Variants in TMEM117 observed in about 807,000 individuals in gnomAD.
TMEM117 encodes the protein transmembrane protein 117.
A neutral mutation model predicts 52.4 loss-of-function variants in TMEM117; 27 were observed. That is an observed-to-expected ratio of 0.51 (90% confidence interval 0.38 to 0.71). The LOEUF is 0.71. TMEM117 is among the 30% of genes least tolerant of loss of function. TMEM117 has a pLI of 0.00. For missense variants in TMEM117, 556 were observed against 630.5 expected, an observed-to-expected ratio of 0.88 and a Z score of 1.26; for synonymous variants, 215 against 206.3, an observed-to-expected ratio of 1.04 and a Z score of -0.36.
chr12:43,901,651 A>G lies in TMEM117; in HGVS notation c.278-42559A>G, dbSNP rs576357927. ...ATTTACATGTGTCATTTTCCTCAACAAGAAAATTATAAAGTGAAACTGCTA... is the reference window on the plus strand; with the variant it reads ...ATTTACATGTGTCATTTTCCTCAACGAGAAAATTATAAAGTGAAACTGCTA... On this transcript the variant is annotated intron_variant, in intron 2 of 7. Coordinates refer to ENST00000266534, the MANE Select transcript of TMEM117 (RefSeq NM_032256.3). Among the ~76,000 whole-genome samples the G allele has an allele frequency of 4.3e-4, 65 of 152,308 alleles. 1 individual carries two copies. Among genetic ancestry groups the G allele is most frequent in the African/African-American group, 1.5e-3 (62 of 41,568 alleles).
Position 43,912,507 on chromosome 12 carries a change from T to TTATACATA in TMEM117, c.278-31699_278-31698insCATATATA, listed in dbSNP as rs1555183812. ...AAACTTAAAGTATAATAATAATAAT[T>TTATACATA]TATATATATATATATATATATATAT... On this transcript the variant is annotated intron_variant, in intron 2 of 7. Transcript: ENST00000266534. Among the ~76,000 whole-genome samples, 82 of 132,104 alleles carry TTATACATA rather than the reference T, an allele frequency of 6.2e-4. 1 individual carries two copies. Among genetic ancestry groups the TTATACATA allele is most frequent in the African/African-American group, 2.6e-3 (66 of 25,028 alleles). 86.7% of individuals were successfully genotyped at this position (132,104 alleles called of 152,430 possible). A position where few individuals can be genotyped will look rare whatever the true frequency, so the allele number is the denominator to read the frequency against.
intron 3 of TMEM117, among the ~76,000 whole-genome samples, chr12:44,111,779 G>C (rs922890843): frequency 1.8e-4 from 26 of 142,994 alleles, no homozygotes; most frequent in African/African-American, 5.2e-4. Context: ...TTTCTGTCTT[G>C]TTGATCTGTC....
At chr12:43,851,801 T>C (rs1463179391) in intron 2 of TMEM117, among the ~76,000 whole-genome samples, 1 of 152,208 alleles carries the variant, frequency 6.6e-6, no homozygotes, top group Non-Finnish European at 1.5e-5. Flanking sequence ...ATCACTGTCG[T>C]TATCAGCAGT....
chr12:44,249,461 T>G (rs555931721), intron 5 of TMEM117, among the ~76,000 whole-genome samples: 2 of 152,146 alleles, frequency 1.3e-5, no homozygotes, highest in African/African-American at 2.4e-5. Context: ...AAACTACCAT[T>G]GAAATTCTTC....
chr12:44,119,414 C>T (rs1385889817), intron 3 of TMEM117, among the ~76,000 whole-genome samples: 1 of 152,172 alleles, frequency 6.6e-6, no homozygotes, highest in Non-Finnish European at 1.5e-5. Context: ...CTAGTGAACA[C>T]TCAACTGAAT....
chr12:44,069,561 G>A lies in TMEM117; in HGVS notation c.411-73964G>A, dbSNP rs894281986. The stretch of plus-strand genomic sequence containing the variant: ...CGTCTGGGAAGATAGCAGGAGATGA[G>A]GTCAGAAAGTTCATAAGGGGGCCTG... On this transcript the variant is annotated intron_variant, in intron 3 of 7. Coordinates refer to ENST00000266534, the MANE Select transcript of TMEM117 (RefSeq NM_032256.3). Among the ~76,000 whole-genome samples the A allele has an allele frequency of 2.6e-5, 4 of 152,244 alleles. No individual in the cohort carries two copies. In the South Asian group the frequency reaches 8.3e-4, roughly 32 times the overall value.
intron 6 of TMEM117, among the ~76,000 whole-genome samples, chr12:44,356,544 C>G (rs1951651564): frequency 1.3e-5 from 2 of 152,198 alleles, no homozygotes; most frequent in Non-Finnish European, 2.9e-5. Flanking sequence ...ATCCACGTTT[C>G]CAGCTGTCTT....
chr12:44,023,023 G>C (rs1946477994), intron 3 of TMEM117, among the ~76,000 whole-genome samples: 1 of 152,154 alleles, frequency 6.6e-6, no homozygotes, highest in Non-Finnish European at 1.5e-5. Context: ...ATGTTACACA[G>C]ATGAACCCAG....
chr12:44,165,568 G>A (rs900927681), intron 4 of TMEM117, among the ~76,000 whole-genome samples: 3 of 152,038 alleles, frequency 2.0e-5, no homozygotes, highest in Admixed American at 1.3e-4. Flanking sequence ...AAACACTGAC[G>A]GGAGTAGCTA....
chr12:44,090,342 C>T (rs749076584), intron 3 of TMEM117, among the ~76,000 whole-genome samples: 4 of 151,826 alleles, frequency 2.6e-5, no homozygotes, highest in Non-Finnish European at 4.4e-5. Flanking sequence ...TTTGGATTCT[C>T]CAGGGTTTAT....
intron 2 of TMEM117, among the ~76,000 whole-genome samples, chr12:43,913,116 T>C (rs1609546): frequency 0.99 from 150,706 of 152,286 alleles, 74,600 homozygotes; most frequent in East Asian, 1. Flanking sequence ...TATGGCCCTG[T>C]CAAATGCACA....
At chr12:43,879,730 T>G (rs920455309) in intron 2 of TMEM117, among the ~76,000 whole-genome samples, 12 of 152,222 alleles carry the variant, frequency 7.9e-5, no homozygotes, top group African/African-American at 2.4e-4. Context: ...TTTATTCAAG[T>G]TTATCTAATT....
At chr12:43,916,539 CCAT>C (rs1286723762) in intron 2 of TMEM117, among the ~76,000 whole-genome samples, 1 of 152,142 alleles carries the variant, frequency 6.6e-6, no homozygotes, top group Non-Finnish European at 1.5e-5. Context: ...TATTGTACCA[CCAT>C]ATTTAGTTGA....
chr12:44,363,319 A>G (rs377519175), intron 6 of TMEM117, among the ~76,000 whole-genome samples: 68 of 152,324 alleles, frequency 4.5e-4, no homozygotes, highest in East Asian at 9.7e-4. Context: ...TACAGAATCT[A>G]CTACATGTGG....
At chr12:43,806,073 G>C in the TMEM117 span, 9 of 1,517,134 alleles carry the variant, frequency 5.9e-6, no homozygotes, top group East Asian at 2.3e-4. Flanking sequence ...AAGCAGGAGC[G>C]CGGAGAGGCG....
chr12:43,863,283 C>CTAAA (rs1565723915), intron 2 of TMEM117, among the ~76,000 whole-genome samples: 1 of 148,030 alleles, frequency 6.8e-6, no homozygotes, highest in East Asian at 2.0e-4. Context: ...AACAAACAAA[C>CTAAA]AAAACTTCAA....
At chr12:44,130,215 A>T (rs189457837) in intron 3 of TMEM117, among the ~76,000 whole-genome samples, 1 of 152,330 alleles carries the variant, frequency 6.6e-6, no homozygotes, top group Admixed American at 6.5e-5. Flanking sequence ...GGCCGATTGC[A>T]CACAGGTATA....
chr12:44,159,417 A>G (rs940814304), intron 4 of TMEM117, among the ~76,000 whole-genome samples: 1 of 152,082 alleles, frequency 6.6e-6, no homozygotes, highest in Admixed American at 6.6e-5. Context: ...TTAACCAAAA[A>G]CTGCAGATGG....
At chr12:44,101,834 G>A (rs1427302662) in intron 3 of TMEM117, among the ~76,000 whole-genome samples, 2 of 151,950 alleles carry the variant, frequency 1.3e-5, no homozygotes, top group Admixed American at 6.6e-5. Context: ...AATATCTAAG[G>A]TGTTTAATCC....
Sources: allele counts gnomAD v4.1 joint callset (sites outside exome capture counted in the v4.1 genomes callset), GRCh38; gene constraint gnomAD v4.1.1; transcripts MANE v1.5; gene names NCBI Gene and HGNC (gene_info 2026-07-23, HGNC 2026-07-21).